Variants in LINGO2 observed in about 807,000 individuals in gnomAD.
The protein encoded by LINGO2 is leucine rich repeat and Ig domain containing 2.
In LINGO2, 14 loss-of-function variants were observed where a neutral mutation model predicts 30.6. That is an observed-to-expected ratio of 0.46 (90% CI 0.30 to 0.72). LINGO2 has a LOEUF of 0.72. Among genes scored for constraint, LINGO2 ranks in the 30% least tolerant of loss-of-function variants. The pLI is 0.07. For synonymous variants in LINGO2, 317 were observed against 288.5 expected, an observed-to-expected ratio of 1.10 and a Z score of -1.00; for missense variants, 729 against 751.7, an observed-to-expected ratio of 0.97 and a Z score of 0.35.
the LINGO2 span, among the ~76,000 whole-genome samples, chr9:28,786,858 G>A: frequency 1.3e-3 from 191 of 152,184 alleles, no homozygotes; most frequent in Non-Finnish European, 2.1e-3. Flanking sequence ...GATTTTTGAC[G>A]GGTAAGCAGG....
At chr9:28,264,838 T>C (rs1822690014) in intron 4 of LINGO2, among the ~76,000 whole-genome samples, 1 of 151,988 alleles carries the variant, frequency 6.6e-6, no homozygotes, top group South Asian at 2.1e-4. Context: ...ATTTTACATA[T>C]GTGGTTAACA....
intron 4 of LINGO2, among the ~76,000 whole-genome samples, chr9:28,177,948 GC>G (rs1176561184): frequency 6.6e-6 from 1 of 152,002 alleles, no homozygotes; most frequent in Non-Finnish European, 1.5e-5. Context: ...TTTTTCTTTA[GC>G]AGGGGCTTTT....
At chr9:28,202,102 G>A (rs1454875770) in intron 4 of LINGO2, among the ~76,000 whole-genome samples, 2 of 152,000 alleles carry the variant, frequency 1.3e-5, no homozygotes, top group Non-Finnish European at 2.9e-5. Context: ...ATTTACCTGT[G>A]TCCAAATTTC....
intron 4 of LINGO2, among the ~76,000 whole-genome samples, chr9:28,254,000 C>CT (rs1195014639): frequency 2.0e-5 from 3 of 151,932 alleles, no homozygotes; most frequent in African/African-American, 4.8e-5. Flanking sequence ...GGAGAGAGTC[C>CT]TTTTTTTCCC....
chr9:28,629,138 T>C (rs1007479312), intron 1 of LINGO2, among the ~76,000 whole-genome samples: 1 of 151,880 alleles, frequency 6.6e-6, no homozygotes, highest in Non-Finnish European at 1.5e-5. Context: ...AGCTTCAGGG[T>C]TGGAGTATGG....
intron 1 of LINGO2, among the ~76,000 whole-genome samples, chr9:28,636,382 C>T (rs150654731): frequency 2.4e-4 from 37 of 152,058 alleles, no homozygotes; most frequent in Non-Finnish European, 4.4e-4. Flanking sequence ...AGTTCTAGAT[C>T]CCGGAGGAAT....
chr9:28,042,039 A>C lies in LINGO2; in HGVS notation c.-86-29634T>G, dbSNP rs185891830. ...ACTGAACTTCTAGATTTTCAGTTTC[A>C]TCATCTGTAAAATGGGGAGAATAAA... On this transcript the variant is annotated intron_variant, in intron 4 of 5. Coordinates refer to ENST00000379992, the Ensembl canonical transcript of LINGO2. Among the ~76,000 whole-genome samples, 127 of 152,318 alleles carry C rather than the reference A, an allele frequency of 8.3e-4. 2 individuals carry two copies. The highest frequency in any genetic ancestry group is 2.9e-3 in the African/African-American group (122 of 41,574).
chr9:28,520,699 T>C (rs1219246885), intron 1 of LINGO2, among the ~76,000 whole-genome samples: 1 of 152,166 alleles, frequency 6.6e-6, no homozygotes, highest in Non-Finnish European at 1.5e-5. Flanking sequence ...AATAAATTAT[T>C]GCATTCCACC....
the LINGO2 span, among the ~76,000 whole-genome samples, chr9:28,981,271 G>A: frequency 1.3e-5 from 2 of 152,072 alleles, no homozygotes; most frequent in Admixed American, 1.3e-4. Flanking sequence ...GCAGGAACAC[G>A]TAGCTACTGG....
At chr9:28,188,681 G>A (rs1274133575) in intron 4 of LINGO2, among the ~76,000 whole-genome samples, 1 of 152,138 alleles carries the variant, frequency 6.6e-6, no homozygotes, top group African/African-American at 2.4e-5. Flanking sequence ...TATAGACAAT[G>A]TTTGGAGTAT....
intron 4 of LINGO2, among the ~76,000 whole-genome samples, chr9:28,035,474 T>C (rs1439916219): frequency 6.6e-6 from 1 of 152,208 alleles, no homozygotes; most frequent in Non-Finnish European, 1.5e-5. Flanking sequence ...TATGCTACAG[T>C]ATATAATAGA....
chr9:28,705,446 G>C, the LINGO2 span, among the ~76,000 whole-genome samples: 4 of 152,058 alleles, frequency 2.6e-5, no homozygotes, highest in Non-Finnish European at 5.9e-5. Flanking sequence ...AGAATAGCTA[G>C]AGGAAGCTGG....
rs1587678897 is a variant in LINGO2, at chr9:28,009,136, GAA to G, written c.-36+3217_-36+3218del. Among the ~76,000 whole-genome samples the G allele has an allele frequency of 2.3e-4, 6 of 26,410 alleles. No homozygotes were observed. The East Asian group carries it at 8.2e-3, about 36-fold the overall frequency. 17.3% of individuals were successfully genotyped at this position (26,410 alleles called of 152,430 possible). A position where few individuals can be genotyped will look rare whatever the true frequency, so the allele number is the denominator to read the frequency against. ...GTTTTTTTGACAGATAATTCAAAGG[GAA>G]AAGTTTTTTTTTTTTCCAACATATG... On this transcript the variant is annotated intron_variant, in intron 5 of 5. Coordinates refer to ENST00000379992, the Ensembl canonical transcript of LINGO2.
At chr9:28,191,889 T>A (rs1429129266) in intron 4 of LINGO2, among the ~76,000 whole-genome samples, 1 of 152,154 alleles carries the variant, frequency 6.6e-6, no homozygotes, top group Non-Finnish European at 1.5e-5. Flanking sequence ...ACTTGACCAC[T>A]AAATCTGCCC....
Position 28,408,625 on chromosome 9 carries a change from TGGGGGGA to T in LINGO2, c.-278-35764_-278-35758del, listed in dbSNP as rs1288972494. Among the ~76,000 whole-genome samples, 4 of 91,828 alleles carry T rather than the reference TGGGGGGA, an allele frequency of 4.4e-5. No individual in the cohort carries two copies. In the East Asian group the frequency reaches 1.5e-3, roughly 34 times the overall value. 60.2% of individuals were successfully genotyped at this position (91,828 alleles called of 152,430 possible). The stretch of plus-strand genomic sequence containing the variant: ...TCACACACCACGGACTGTTGTGGGG[TGGGGGGA>T]GGGGGAGGGATGGCATTAGGAGATA... On this transcript the variant is annotated intron_variant, in intron 2 of 5. Coordinates refer to ENST00000379992, the Ensembl canonical transcript of LINGO2.
intron 4 of LINGO2, among the ~76,000 whole-genome samples, chr9:28,087,046 A>T (rs879644476): frequency 1.3e-5 from 2 of 152,080 alleles, no homozygotes; most frequent in Non-Finnish European, 2.9e-5. Flanking sequence ...CATGCTTCTA[A>T]TCACTCTCTG....
chr9:28,549,336 C>T (rs78020787), intron 1 of LINGO2, among the ~76,000 whole-genome samples: 2 of 152,022 alleles, frequency 1.3e-5, no homozygotes, highest in African/African-American at 2.4e-5. Flanking sequence ...AAATGCTAAA[C>T]GGAATTTCAT....
At chr9:28,009,398 G>C (rs919466690) in intron 5 of LINGO2, among the ~76,000 whole-genome samples, 1 of 149,702 alleles carries the variant, frequency 6.7e-6, no homozygotes, top group Non-Finnish European at 1.5e-5. Context: ...ATGAAAACTA[G>C]TGCTGCAAAT....
At chr9:28,772,805 G>A in the LINGO2 span, among the ~76,000 whole-genome samples, 1 of 152,074 alleles carries the variant, frequency 6.6e-6, no homozygotes, top group African/African-American at 2.4e-5. Flanking sequence ...AATAGTGAAG[G>A]AGGAGTTCTG....
Sources: gnomAD v4.1 joint callset for allele counts (sites outside exome capture counted in the v4.1 genomes callset) on GRCh38, gnomAD v4.1.1 for gene constraint, MANE v1.5 for transcripts, NCBI Gene and HGNC (gene_info 2026-07-23, HGNC 2026-07-21) for gene names.